Variants in CTNNA2 observed in about 807,000 individuals in gnomAD.
The protein encoded by CTNNA2 is catenin alpha-2.
A neutral mutation model predicts 101.0 loss-of-function variants in CTNNA2; 42 were observed. The observed-to-expected ratio is 0.42, with a 90% CI of 0.32 to 0.54. The LOEUF is 0.54. Ranked by LOEUF, CTNNA2 falls within the 20% of genes least tolerant of loss-of-function variation. CTNNA2 has a pLI of 0.14. For synonymous variants in CTNNA2, 450 were observed against 456.4 expected (o/e 0.99, Z 0.18); for missense variants, 871 against 1,223.1 (o/e 0.71, Z 4.29).
intron 7 of CTNNA2, among the ~76,000 whole-genome samples, chr2:80,098,467 A>C (rs1447127936): frequency 6.6e-6 from 1 of 152,170 alleles, no homozygotes; most frequent in African/African-American, 2.4e-5. Context: ...GACCCACTTG[A>C]GAGGCAGTAT....
chr2:79,823,449 C>T (rs921755020), intron 3 of CTNNA2, among the ~76,000 whole-genome samples: 2 of 151,912 alleles, frequency 1.3e-5, no homozygotes, highest in Admixed American at 1.3e-4. Context: ...GCCTGGGAGG[C>T]GGAGGTTGCA....
intron 7 of CTNNA2, among the ~76,000 whole-genome samples, chr2:80,022,433 G>A (rs1323016875): frequency 3.9e-5 from 6 of 152,116 alleles, no homozygotes; most frequent in African/African-American, 7.2e-5. Flanking sequence ...ACAAGGGTGG[G>A]AAAGCGTTTG....
chr2:80,477,978 C>A (rs186974078), intron 9 of CTNNA2, among the ~76,000 whole-genome samples: 3 of 152,128 alleles, frequency 2.0e-5, no homozygotes, highest in African/African-American at 7.2e-5. Flanking sequence ...ATACTATTTT[C>A]CTTAGAGGTC....
At chr2:79,411,501 T>C (rs768761583) in intron 4 of CTNNA2, among the ~76,000 whole-genome samples, 1 of 152,010 alleles carries the variant, frequency 6.6e-6, no homozygotes, top group African/African-American at 2.4e-5. Context: ...GAGAGAAAGG[T>C]CGGGTTACCC....
intron 7 of CTNNA2, among the ~76,000 whole-genome samples, chr2:80,081,952 A>C (rs2148805072): frequency 6.6e-6 from 1 of 152,284 alleles, no homozygotes; most frequent in Non-Finnish European, 1.5e-5. Context: ...TAGATGCAGG[A>C]GACAAAGTAT....
At position 79,982,158 on chromosome 2, in the gene CTNNA2, C is replaced by T. The variant is rs570756500; in HGVS notation, c.1056+72361C>T. On this transcript the variant is annotated intron_variant, in intron 7 of 18. Transcript: ENST00000402739. ...GGCTCAAGAGATTCTCCCACCTCAG[C>T]CTCCAGAGTACCTGAGACCACAGGC... Among the ~76,000 whole-genome samples the T allele has an allele frequency of 6.1e-3, 798 of 130,950 alleles. 18 individuals are homozygous for T. The highest frequency in any genetic ancestry group is 0.022 in the African/African-American group (768 of 35,062). The allele number at this position is 130,950 out of a possible 152,430, so 85.9% of individuals were successfully genotyped here. A position where few individuals can be genotyped will look rare whatever the true frequency, so the allele number is the denominator to read the frequency against.
chr2:79,894,059 CTT>C (rs767617336), intron 6 of CTNNA2, among the ~76,000 whole-genome samples: 10,203 of 99,336 alleles, frequency 0.1, 395 homozygotes, highest in African/African-American at 0.11. Context: ...TCTTCTTCTT[CTT>C]CTTCCTCCTC....
At chr2:79,578,475 A>G (rs527917421) in intron 1 of CTNNA2, among the ~76,000 whole-genome samples, 46 of 152,298 alleles carry the variant, frequency 3.0e-4, no homozygotes, top group African/African-American at 1.1e-3. Context: ...TCTTAAAGAA[A>G]GGAAACTATT....
chr2:79,305,063 T>A (rs1377769425), intron 2 of CTNNA2, among the ~76,000 whole-genome samples: 1 of 151,944 alleles, frequency 6.6e-6, no homozygotes, highest in South Asian at 2.1e-4. Flanking sequence ...GGAGTGGACA[T>A]AATAGTGACA....
intron 7 of CTNNA2, among the ~76,000 whole-genome samples, chr2:80,041,315 A>T (rs963883828): frequency 1.2e-4 from 18 of 151,994 alleles, no homozygotes; most frequent in Admixed American, 1.1e-3. Context: ...TTCCAAGTTA[A>T]AAGTTTTTAT....
chr2:80,553,980 TA>T (rs1692804946), intron 11 of CTNNA2, among the ~76,000 whole-genome samples: 1 of 152,170 alleles, frequency 6.6e-6, no homozygotes, highest in African/African-American at 2.4e-5. Flanking sequence ...TACTAAAATT[TA>T]AACGTTTCAT....
intron 11 of CTNNA2, among the ~76,000 whole-genome samples, chr2:80,553,868 A>G (rs1692794192): frequency 6.6e-6 from 1 of 152,190 alleles, no homozygotes. Context: ...TTAGGTATAT[A>G]CTGTGTTCAC....
intron 7 of CTNNA2, among the ~76,000 whole-genome samples, chr2:80,164,799 A>G (rs1704551994): frequency 6.6e-6 from 1 of 151,996 alleles, no homozygotes; most frequent in Non-Finnish European, 1.5e-5. Flanking sequence ...TTCCTCCTTA[A>G]AGAATATTTT....
chr2:80,495,299 C>T (rs10445955), intron 9 of CTNNA2, among the ~76,000 whole-genome samples: 15,875 of 152,182 alleles, frequency 0.1, 1,316 homozygotes, highest in East Asian at 0.44. Flanking sequence ...TCCTGTGTTT[C>T]TCACTGTGCC....
intron 7 of CTNNA2, among the ~76,000 whole-genome samples, chr2:80,096,705 A>T (rs1700175780): frequency 6.6e-6 from 1 of 152,152 alleles, no homozygotes; most frequent in African/African-American, 2.4e-5. Context: ...TTGGGTGCAT[A>T]TATATTTAGG....
At chr2:79,820,739 T>C (rs1413460019) in intron 3 of CTNNA2, among the ~76,000 whole-genome samples, 1 of 152,194 alleles carries the variant, frequency 6.6e-6, no homozygotes, top group African/African-American at 2.4e-5. Flanking sequence ...CTTCAATAAA[T>C]CTCATGTTCC....
At chr2:79,793,867 A>C in intron 3 of CTNNA2, among the ~76,000 whole-genome samples, 1 of 141,062 alleles carries the variant, frequency 7.1e-6, no homozygotes, top group South Asian at 2.3e-4. Flanking sequence ...TTTCCCCAAT[A>C]CCACACACAC....
chr2:79,928,900 A>G (rs2916529), intron 7 of CTNNA2, among the ~76,000 whole-genome samples: 23,603 of 152,234 alleles, frequency 0.16, 2,026 homozygotes, highest in East Asian at 0.26. Flanking sequence ...AAAATAGTTA[A>G]TAGTTAATAC....
intron 7 of CTNNA2, among the ~76,000 whole-genome samples, chr2:80,105,542 A>C (rs1346291872): frequency 6.6e-6 from 1 of 152,098 alleles, no homozygotes; most frequent in Non-Finnish European, 1.5e-5. Context: ...TGGGCAACAT[A>C]GTGAGACCCC....
Sources: gnomAD v4.1 joint callset for allele counts (sites outside exome capture counted in the v4.1 genomes callset) on GRCh38, gnomAD v4.1.1 for gene constraint, MANE v1.5 for transcripts, NCBI Gene and HGNC (gene_info 2026-07-23, HGNC 2026-07-21) for gene names.